Variants in CFAP65 observed in about 807,000 individuals in gnomAD.
CFAP65 encodes the protein cilia- and flagella-associated protein 65.
In CFAP65, 155 loss-of-function variants were observed where a neutral mutation model predicts 208.0. The ratio of observed to expected loss-of-function variants is 0.75; its 90% confidence interval spans 0.65 to 0.85. The LOEUF is 0.85. Among genes scored for constraint, CFAP65 ranks in the 40% least tolerant of loss-of-function variants. CFAP65 has a pLI of 0.00. For missense variants in CFAP65, 2,294 were observed against 2,451.3 expected, an observed-to-expected ratio of 0.94 and a Z score of 1.36; for synonymous variants, 970 against 986.3, an observed-to-expected ratio of 0.98 and a Z score of 0.31.
At position 219,024,058 on chromosome 2, in the gene CFAP65, T is replaced by C. The variant is rs769838901; in HGVS notation, c.2552A>G (p.His851Arg). 1.9e-6 allele frequency: 3 copies of C among 1,614,000 alleles called. No individual in the cohort carries two copies. Among genetic ancestry groups the C allele is most frequent in the Non-Finnish European group, 2.5e-6 (3 of 1,180,006 alleles). ...TYPEGSSWKQ[H>R]TFYLQCNASP... The stretch of plus-strand genomic sequence containing the variant: ...AGCATTGCACTGCAGATAGAAAGTG[T>C]GCTGCTTCCAGGAGCTGCCCTCAGG... Residue 851 changes from histidine (H) to arginine (R), a missense_variant, in exon 15 of 35, where the codon CAC becomes CGC. Around this residue, in one of 2 missense-constraint regions of CFAP65, gnomAD observed 1,427 missense variants for 1,438.7 expected, o/e 0.99. Transcript: ENST00000341552.
chr2:219,031,371 G>T lies in CFAP65; in HGVS notation c.816-66C>A, dbSNP rs999666864. The T allele has an allele frequency of 5.6e-6, 9 of 1,605,142 alleles. No homozygotes were observed. The highest frequency in any genetic ancestry group is 7.7e-6 in the Non-Finnish European group (9 of 1,173,794). ...CCTGCTCCTGCAGTAGCAAGTCAGG[G>T]ATGCTGGGCAGAACCTCAGACTACC... On this transcript the variant is annotated intron_variant, in intron 7 of 34. Transcript: ENST00000341552. This position sits in a 1 kb window ranked among gnomAD's most constrained non-coding sequence, Gnocchi z 5.2.
intron 30 of CFAP65, 31 bp from the exon 31 acceptor site, chr2:219,006,254 G>A: frequency 1.3e-6 from 2 of 1,587,456 alleles, no homozygotes; most frequent in Non-Finnish European, 1.7e-6. Context: ...GGATGACAAG[G>A]GTTTGGGCAC....
At position 219,027,926 on chromosome 2, in the gene CFAP65, G is replaced by A; in HGVS notation, c.1935C>T (p.Thr645=). 1.3e-6 allele frequency: 2 copies of A among 1,523,508 alleles called. No individual in the cohort carries two copies. The highest frequency in any genetic ancestry group is 2.6e-5 in the South Asian group (2 of 75,762). The allele number at this position is 1,523,508 out of a possible 1,614,324, so 94.4% of individuals were successfully genotyped here. The change falls in exon 13 of 35, where the codon ACC becomes ACT. Residue 645 remains threonine, a synonymous_variant. Transcript: ENST00000341552. Reference sequence around the variant, plus strand: ...CTACACTGATGGGCGGGGGGAAGATGGTTATGTCGCTGGTGCCGTCGAAGA... The same window carrying A: ...CTACACTGATGGGCGGGGGGAAGATAGTTATGTCGCTGGTGCCGTCGAAGA... ...EFFFDGTSDI[T]IFPPPISVEP...
intron 21 of CFAP65, among the ~76,000 whole-genome samples, chr2:219,016,015 G>A (rs1182182136): frequency 6.6e-6 from 1 of 152,174 alleles, no homozygotes; most frequent in Non-Finnish European, 1.5e-5. Flanking sequence ...AAATATGTGC[G>A]TGTCTGTATG....
intron 9 of CFAP65, 67 bp downstream of exon 9, chr2:219,030,622 G>A: frequency 6.4e-7 from 1 of 1,573,580 alleles, no homozygotes; most frequent in Non-Finnish European, 8.7e-7. Flanking sequence ...ATTCTGCAAG[G>A]CGGTGATTTT....
chr2:219,038,990 G>C lies in CFAP65; in HGVS notation c.59C>G (p.Ser20Ter), dbSNP rs1948524390. 5 of 1,613,816 alleles carry C rather than the reference G, an allele frequency of 3.1e-6. No individual in the cohort carries two copies. Among genetic ancestry groups the C allele is most frequent in the East Asian group, 4.5e-5 (2 of 44,848 alleles). ...GGGGAAAGAAGAGGCAAATGAGACTGATGGATTCTCCACCTTCTGGGTTTT... is the reference window on the plus strand; with the variant it reads ...GGGGAAAGAAGAGGCAAATGAGACTCATGGATTCTCCACCTTCTGGGTTTT... Reference protein sequence around the residue: ...VEKTQKVENPSVSFASSFPLI... With the variant: ...VEKTQKVENP The change falls in exon 3 of 35, where the codon TCA (serine) becomes TGA (stop). Residue 20 changes from serine (S) to a stop codon, truncating the protein, a stop_gained. Coordinates refer to ENST00000341552, the MANE Select transcript of CFAP65 (RefSeq NM_194302.4). LOFTEE classifies it high-confidence loss of function.
chr2:219,015,563 A>G (rs987746272), intron 21 of CFAP65: 1 of 152,274 alleles, frequency 6.6e-6, no homozygotes, highest in African/African-American at 2.4e-5. Flanking sequence ...GTAAGTTCAG[A>G]AAGAACAGAC....
At chr2:219,023,455 G>C in intron 15 of CFAP65, 24 bp from the exon 16 acceptor site, 1 of 1,512,302 alleles carries the variant, frequency 6.6e-7, no homozygotes, top group South Asian at 1.2e-5. Context: ...AAGAAGGGCA[G>C]TGCCCTGACC....
chr2:219,038,832 T>C (rs1574664529), intron 3 of CFAP65, 64 bp downstream of exon 3: 1 of 1,533,432 alleles, frequency 6.5e-7, no homozygotes, highest in East Asian at 2.3e-5. Flanking sequence ...ACTAGGCCCC[T>C]CCATGGCCAC....
rs115975365 is a variant in CFAP65, at chr2:219,039,106, C to G, written c.-2-56G>C. Reference sequence around the variant, plus strand: ...TCCATCTCCAGAGCAGAGGGATCCTCGATGACTGTAGCTGAAATCATATGC... The same window carrying G: ...TCCATCTCCAGAGCAGAGGGATCCTGGATGACTGTAGCTGAAATCATATGC... On this transcript the variant is annotated intron_variant, in intron 2 of 34. Coordinates refer to ENST00000341552, the MANE Select transcript of CFAP65 (RefSeq NM_194302.4). 3.9e-5 allele frequency: 56 copies of G among 1,451,674 alleles called. No individual in the cohort carries two copies. The African/African-American group carries it at 7.3e-4, about 19-fold the overall frequency. The allele number at this position is 1,451,674 out of a possible 1,614,324, so 89.9% of individuals were successfully genotyped here.
Position 219,030,035 on chromosome 2 carries a change from A to G in CFAP65, c.1335T>C (p.Pro445=), listed in dbSNP as rs1310283817. The change falls in exon 10 of 35, where the codon CCT becomes CCC. Residue 445 remains proline, a synonymous_variant. Transcript: ENST00000341552. The part of the protein sequence containing the change: ...TRTVDYCSIM[P]SGCASKTLLK... ...GCAGGGTCTTGGAGGCACAGCCAGA[A>G]GGCATGATGGAGCAGTAGTCCACAG... is the stretch of plus-strand genomic sequence containing the variant. 5 of 1,613,980 alleles carry G rather than the reference A, an allele frequency of 3.1e-6. No homozygotes were observed. Among genetic ancestry groups the G allele is most frequent in the Non-Finnish European group, 3.4e-6 (4 of 1,180,016 alleles).
At chr2:219,037,334 G>C (rs918868073) in intron 4 of CFAP65, among the ~76,000 whole-genome samples, 1 of 152,254 alleles carries the variant, frequency 6.6e-6, no homozygotes, top group Non-Finnish European at 1.5e-5. Flanking sequence ...GGAGGTTGCA[G>C]TGAGCTGAGA....
intron 24 of CFAP65, among the ~76,000 whole-genome samples, chr2:219,012,223 T>C (rs1054245955): frequency 2.6e-5 from 4 of 152,288 alleles, no homozygotes; most frequent in African/African-American, 7.2e-5. Flanking sequence ...CAGAATGGAC[T>C]AAGACACTTG....
intron 2 of CFAP65, 45 bp from the exon 3 acceptor site, chr2:219,039,095 A>G: frequency 6.6e-7 from 1 of 1,519,850 alleles, no homozygotes. Flanking sequence ...TCTCCAGAGC[A>G]GAGGGATCCT....
chr2:219,026,137 A>G lies in CFAP65; in HGVS notation c.2234T>C (p.Ile745Thr), dbSNP rs1385368305. The G allele has an allele frequency of 4.3e-6, 7 of 1,613,128 alleles. No homozygotes were observed. The highest frequency in any genetic ancestry group is 5.9e-6 in the Non-Finnish European group (7 of 1,179,462). The change falls in exon 14 of 35, where the codon ATT becomes ACT. Residue 745 changes from isoleucine to threonine, a missense_variant. Physicochemically the swap from Ile to Thr is moderately conservative, Grantham distance 89 (BLOSUM62 -1). Coordinates refer to ENST00000341552, the MANE Select transcript of CFAP65 (RefSeq NM_194302.4). ...IYKVLQSYSN[I>T]EEDCTMCPSW... ...TGGGCACATGGTGCAGTCCTCCTCA[A>G]TATTACTGTAGCTCTGCAGGACCTG...
chr2:219,038,246 C>A (rs368207708), intron 4 of CFAP65, 129 bp downstream of exon 4: 1 of 801,116 alleles, frequency 1.2e-6, no homozygotes, highest in African/African-American at 1.7e-5. Flanking sequence ...AAAGTCTAGA[C>A]AAGGTCTAGT....
chr2:219,027,421 C>G, intron 13 of CFAP65: 1 of 1,506,892 alleles, frequency 6.6e-7, no homozygotes, highest in Admixed American at 2.1e-5. Context: ...TGAGTTCTCC[C>G]TTGGAGGGGA....
Position 219,006,506 on chromosome 2 carries a change from T to C in CFAP65, c.4678A>G (p.Arg1560Gly). The stretch of plus-strand genomic sequence containing the variant: ...GGTTCACAGGCTGTGCAGCATGTTC[T>C]CTTCTGTGGAAAAAGAGAGATCCTT... ...FTITDMKVKK[R>G]TCCTACEPAR... The change falls in exon 30 of 35, where the codon AGA becomes GGA. Residue 1560 changes from arginine (R) to glycine (G), a missense_variant. Arg to Gly is a moderately radical substitution (Grantham distance 125). Coordinates refer to ENST00000341552, the MANE Select transcript of CFAP65 (RefSeq NM_194302.4). 3 of 1,613,608 alleles carry C rather than the reference T, an allele frequency of 1.9e-6. No homozygotes were observed. The South Asian group carries it at 3.3e-5, about 18-fold the overall frequency.
chr2:219,004,513 G>A lies in CFAP65; in HGVS notation c.5052-58C>T. The stretch of plus-strand genomic sequence containing the variant: ...TGAGGGGCCCTGAAGCCCCTGGGGA[G>A]CCCTGGCTTCAGAGCTAGGTTCTAG... On this transcript the variant is annotated intron_variant, in intron 32 of 34. Transcript: ENST00000341552. This position sits in a 1 kb window ranked among gnomAD's most constrained non-coding sequence, Gnocchi z 4.7. 6.5e-7 allele frequency: 1 copy of A among 1,532,572 alleles called. No individual in the cohort carries two copies. The highest frequency in any genetic ancestry group is 8.7e-7 in the Non-Finnish European group (1 of 1,143,672). 94.9% of individuals were successfully genotyped at this position (1,532,572 alleles called of 1,614,324 possible).
Sources: allele counts gnomAD v4.1 joint callset (sites outside exome capture counted in the v4.1 genomes callset), GRCh38; gene constraint gnomAD v4.1.1; regional missense constraint gnomAD v4.1.1; non-coding constraint Gnocchi (gnomAD v3.1); transcripts MANE v1.5; gene names NCBI Gene and HGNC (gene_info 2026-07-23, HGNC 2026-07-21).